Variants in SPACA7 observed in about 807,000 individuals in gnomAD.
SPACA7 encodes the protein sperm acrosome-associated protein 7.
A neutral mutation model predicts 26.3 loss-of-function variants in SPACA7; 19 were observed. That is an observed-to-expected ratio of 0.72 (90% confidence interval 0.50 to 1.06). The LOEUF (loss-of-function observed/expected upper bound fraction) is 1.06, where lower values mean the gene tolerates loss of function less well. Ranked by LOEUF, SPACA7 falls within the 50% of genes least tolerant of loss-of-function variation. SPACA7 has a pLI of 0.00. For synonymous variants in SPACA7, 84 were observed against 84.5 expected, an observed-to-expected ratio of 0.99 and a Z score of 0.04; for missense variants, 211 against 229.9, an observed-to-expected ratio of 0.92 and a Z score of 0.53.
chr13:112,413,212 C>T (rs1194266740), intron 5 of SPACA7, among the ~76,000 whole-genome samples: 1 of 152,094 alleles, frequency 6.6e-6, no homozygotes, highest in African/African-American at 2.4e-5. Flanking sequence ...ACATTAGCAC[C>T]CTTTTCTTTC....
At chr13:112,409,151 T>C (rs888642172) in intron 5 of SPACA7, among the ~76,000 whole-genome samples, 2 of 152,218 alleles carry the variant, frequency 1.3e-5, no homozygotes. Context: ...CTGGGAAAAC[T>C]GACTAGCCAT....
intron 1 of SPACA7, among the ~76,000 whole-genome samples, chr13:112,383,154 AAAGAAAG>A (rs1884279649): frequency 2.3e-5 from 3 of 133,118 alleles, no homozygotes; most frequent in Non-Finnish European, 4.8e-5. Context: ...AGAAAGAAAG[AAAGAAAG>A]AAAGAAAGAA....
chr13:112,379,554 A>G (rs1883911744), intron 1 of SPACA7, among the ~76,000 whole-genome samples: 1 of 152,234 alleles, frequency 6.6e-6, no homozygotes. Context: ...CATGGACAGT[A>G]AGGACAGTGA....
chr13:112,384,690 A>C (rs2138877999), intron 1 of SPACA7, among the ~76,000 whole-genome samples: 1 of 152,202 alleles, frequency 6.6e-6, no homozygotes, highest in African/African-American at 2.4e-5. Flanking sequence ...TAAAAGAAAA[A>C]CCTTTACTCT....
intron 5 of SPACA7, among the ~76,000 whole-genome samples, chr13:112,408,124 A>G (rs879971148): frequency 6.6e-6 from 1 of 152,168 alleles, no homozygotes; most frequent in Non-Finnish European, 1.5e-5. Flanking sequence ...AAACCACATG[A>G]TTATCTCAAT....
chr13:112,382,715 C>T (rs555986544), intron 1 of SPACA7, among the ~76,000 whole-genome samples: 37 of 152,170 alleles, frequency 2.4e-4, no homozygotes, highest in East Asian at 9.7e-4. Context: ...AGGCCAGGTG[C>T]GGTGGCTTAC....
At chr13:112,403,045 G>A (rs1311172912) in intron 5 of SPACA7, among the ~76,000 whole-genome samples, 3 of 151,600 alleles carry the variant, frequency 2.0e-5, no homozygotes, top group Non-Finnish European at 4.4e-5. Context: ...TTCCTTTTTG[G>A]TTCTTTAGAG....
intron 1 of SPACA7, among the ~76,000 whole-genome samples, chr13:112,381,765 G>A (rs1884083889): frequency 1.3e-5 from 2 of 152,186 alleles, no homozygotes; most frequent in Admixed American, 1.3e-4. Flanking sequence ...TGAAATCACA[G>A]GGAGTCAAAG....
intron 5 of SPACA7, among the ~76,000 whole-genome samples, chr13:112,411,848 T>A (rs1886372025): frequency 6.6e-6 from 1 of 152,224 alleles, no homozygotes; most frequent in African/African-American, 2.4e-5. Context: ...TATCCACTGA[T>A]GGACACTTAC....
chr13:112,395,358 C>T (rs563942026), intron 2 of SPACA7, among the ~76,000 whole-genome samples: 2 of 152,334 alleles, frequency 1.3e-5, no homozygotes, highest in East Asian at 3.9e-4. Context: ...CCAGGGGTTG[C>T]GCTTCGGCTG....
Position 112,401,021 on chromosome 13 carries a change from G to A in SPACA7, c.350-48G>A, listed in dbSNP as rs199860863. 1.5e-5 allele frequency: 20 copies of A among 1,353,964 alleles called. No homozygotes were observed. The East Asian group carries it at 3.9e-4, about 26-fold the overall frequency. 83.9% of individuals were successfully genotyped at this position (1,353,964 alleles called of 1,614,324 possible). A position where few individuals can be genotyped will look rare whatever the true frequency, so the allele number is the denominator to read the frequency against. ...ATAAATGACCAAAGTGCTTATAAGT[G>A]TGTAATCAAGGACATTTTCCCCATT... On this transcript the variant is annotated intron_variant, in intron 4 of 6. Coordinates refer to ENST00000283550, the MANE Select transcript of SPACA7 (RefSeq NM_145248.5).
intron 5 of SPACA7, among the ~76,000 whole-genome samples, chr13:112,426,467 G>T (rs1876544380): frequency 6.6e-6 from 1 of 152,154 alleles, no homozygotes; most frequent in Admixed American, 6.5e-5. Context: ...TTTTAATTTG[G>T]ATTGCTACAA....
chr13:112,387,400 A>C (rs956533026), intron 1 of SPACA7, among the ~76,000 whole-genome samples: 4 of 152,228 alleles, frequency 2.6e-5, no homozygotes, highest in Non-Finnish European at 5.9e-5. Context: ...CTTGAAAGTG[A>C]GTCCTAAACC....
chr13:112,417,147 T>C lies in SPACA7; in HGVS notation c.446-15297T>C, dbSNP rs149339533. ...GTTTTCCCAGATACAAAATGGATCC[T>C]TTCAAAATTAGACTCACCTATTATT... On this transcript the variant is annotated intron_variant, in intron 5 of 6. Coordinates refer to ENST00000283550, the MANE Select transcript of SPACA7 (RefSeq NM_145248.5). 1.5e-3 allele frequency among the ~76,000 whole-genome samples: 225 copies of C among 152,320 alleles called. 3 individuals carry two copies. Among genetic ancestry groups the C allele is most frequent in the African/African-American group, 5.3e-3 (221 of 41,584 alleles).
At chr13:112,383,131 AAG>A (rs60075856) in intron 1 of SPACA7, among the ~76,000 whole-genome samples, 7,208 of 53,162 alleles carry the variant, frequency 0.14, 516 homozygotes, top group South Asian at 0.18. Context: ...AAAAGAAAGA[AAG>A]AAAGAAAGAA....
At chr13:112,382,899 G>A (rs936878922) in intron 1 of SPACA7, among the ~76,000 whole-genome samples, 7 of 151,890 alleles carry the variant, frequency 4.6e-5, no homozygotes, top group African/African-American at 1.7e-4. Context: ...TGAGGCAGGA[G>A]AATCAGTTGA....
chr13:112,392,932 G>A (rs1397580697), intron 1 of SPACA7, 89 bp from the exon 2 acceptor site: 4 of 1,120,120 alleles, frequency 3.6e-6, no homozygotes, highest in Non-Finnish European at 5.2e-6. Context: ...GGGGGCTGGT[G>A]GGCACCCACA....
chr13:112,383,174 AAAGAAAGAAAGAAAG>A (rs1884298221), intron 1 of SPACA7, among the ~76,000 whole-genome samples: 2 of 125,162 alleles, frequency 1.6e-5, no homozygotes, highest in South Asian at 2.6e-4. Context: ...AGAAAGAAAG[AAAGAAAGAAAGAAAG>A]AAAGAAAAGA....
intron 6 of SPACA7, 22 bp downstream of exon 6, chr13:112,432,543 A>T: frequency 6.6e-7 from 1 of 1,524,774 alleles, no homozygotes; most frequent in Non-Finnish European, 9.1e-7. Context: ...ATAATAGATA[A>T]GTGTCTTCTC....
Sources: allele counts gnomAD v4.1 joint callset (sites outside exome capture counted in the v4.1 genomes callset), GRCh38; gene constraint gnomAD v4.1.1; transcripts MANE v1.5; gene names NCBI Gene and HGNC (gene_info 2026-07-23, HGNC 2026-07-21).